Variants in CDH4 observed in about 807,000 individuals in gnomAD.
CDH4 encodes the protein cadherin 4, also known as cadherin-4.
CDH4 carries 33 observed loss-of-function variants against 86.0 expected under a neutral mutation model. That is an observed-to-expected ratio of 0.38 (90% CI 0.29 to 0.51). The LOEUF is 0.51. CDH4 is among the 20% of genes least tolerant of loss of function. The pLI, the probability that CDH4 is intolerant of heterozygous loss-of-function variation, is 0.86. For synonymous variants in CDH4, 555 were observed against 549.4 expected, an observed-to-expected ratio of 1.01 and a Z score of -0.14; for missense variants, 1,114 against 1,307.4, an observed-to-expected ratio of 0.85 and a Z score of 2.28.
At chr20:61,313,390 C>T (rs2084458412) in intron 2 of CDH4, among the ~76,000 whole-genome samples, 1 of 152,170 alleles carries the variant, frequency 6.6e-6, no homozygotes, top group South Asian at 2.1e-4. Context: ...TACACAGCTC[C>T]CTTCATCTTT....
chr20:61,545,968 G>A (rs2086078250), intron 2 of CDH4, among the ~76,000 whole-genome samples: 1 of 135,868 alleles, frequency 7.4e-6, no homozygotes, highest in South Asian at 2.4e-4. Context: ...GTTCGTGTGT[G>A]TGTGTGTGTG....
intron 2 of CDH4, among the ~76,000 whole-genome samples, chr20:61,590,879 G>GGGT (rs1555811638): frequency 1.4e-4 from 19 of 135,970 alleles, no homozygotes; most frequent in Admixed American, 5.1e-4. Flanking sequence ...AAATCTATGG[G>GGGT]GGGGGGGGTC....
intron 2 of CDH4, among the ~76,000 whole-genome samples, chr20:61,390,294 A>G (rs1359546466): frequency 5.6e-5 from 8 of 143,102 alleles, no homozygotes; most frequent in South Asian, 4.7e-4. Flanking sequence ...GTGTCTGGGA[A>G]ACCCCGATTG....
At chr20:61,702,532 G>A (rs1475153422) in intron 2 of CDH4, among the ~76,000 whole-genome samples, 3 of 152,232 alleles carry the variant, frequency 2.0e-5, no homozygotes, top group Non-Finnish European at 4.4e-5. Flanking sequence ...CAGGCATTCT[G>A]GTGATGCAAT....
At chr20:61,397,558 C>G (rs1487280331) in intron 2 of CDH4, among the ~76,000 whole-genome samples, 1 of 152,010 alleles carries the variant, frequency 6.6e-6, no homozygotes, top group Non-Finnish European at 1.5e-5. Context: ...GGAGGTAGCC[C>G]CATATCGCCC....
intron 2 of CDH4, among the ~76,000 whole-genome samples, chr20:61,579,889 G>T (rs6121708): frequency 6.6e-6 from 1 of 152,014 alleles, no homozygotes; most frequent in East Asian, 1.9e-4. Flanking sequence ...AGCCAAAAAT[G>T]TACTGCCTTT....
chr20:61,665,547 C>A (rs1469163741), intron 2 of CDH4, among the ~76,000 whole-genome samples: 2 of 152,222 alleles, frequency 1.3e-5, no homozygotes, highest in Non-Finnish European at 2.9e-5. Flanking sequence ...AGGTCCCCGT[C>A]AGATCTCCTA....
Position 61,857,231 on chromosome 20 carries a change from G to A in CDH4, c.877+4333G>A, listed in dbSNP as rs768849988. ...CGCGCTGTCTGGGATGGTGGGCGGC[G>A]CGTGTGCGTTCGCCATGGAGTAAGA... is the stretch of plus-strand genomic sequence containing the variant. On this transcript the variant is annotated intron_variant, in intron 6 of 15. Transcript: ENST00000614565. Among the ~76,000 whole-genome samples the A allele has an allele frequency of 5.3e-5, 8 of 152,374 alleles. No individual in the cohort carries two copies. In the South Asian group the frequency reaches 6.2e-4, roughly 12 times the overall value.
At chr20:61,342,553 CA>C (rs1176915920) in intron 2 of CDH4, among the ~76,000 whole-genome samples, 7 of 152,220 alleles carry the variant, frequency 4.6e-5, no homozygotes, top group Non-Finnish European at 7.3e-5. Flanking sequence ...GAATGTGAGC[CA>C]GGGGGAGCAG....
chr20:61,653,643 G>A (rs2087152158), intron 2 of CDH4, among the ~76,000 whole-genome samples: 1 of 100,822 alleles, frequency 9.9e-6, no homozygotes, highest in African/African-American at 3.1e-5. Context: ...TGGCTGCCGG[G>A]CTGAGGGGCT....
intron 2 of CDH4, among the ~76,000 whole-genome samples, chr20:61,638,132 C>T (rs954349354): frequency 1.3e-5 from 2 of 151,862 alleles, no homozygotes; most frequent in Non-Finnish European, 2.9e-5. Context: ...TGAAAAAGAA[C>T]AGCATCCACC....
At chr20:61,853,477 C>G (rs1450197164) in intron 6 of CDH4, among the ~76,000 whole-genome samples, 4 of 152,098 alleles carry the variant, frequency 2.6e-5, no homozygotes, top group Admixed American at 2.6e-4. Flanking sequence ...CAGAGCTGAC[C>G]CAAGAGCCTG....
chr20:61,406,863 TGC>T (rs2085087156), intron 2 of CDH4, among the ~76,000 whole-genome samples: 1 of 144,180 alleles, frequency 6.9e-6, no homozygotes, highest in Admixed American at 6.9e-5. Context: ...ATCTGCCATC[TGC>T]TCTGCCCGGA....
chr20:61,646,361 T>C (rs145673879), intron 2 of CDH4, among the ~76,000 whole-genome samples: 91 of 152,316 alleles, frequency 6.0e-4, no homozygotes, highest in African/African-American at 2.1e-3. Flanking sequence ...TTCAGAGCTC[T>C]GGTCAGGCAT....
rs1385649663 is a variant in CDH4, at chr20:61,934,162, A to G, written c.2486A>G (p.Gln829Arg). The G allele has an allele frequency of 1.9e-6, 3 of 1,607,930 alleles. No homozygotes were observed. In the South Asian group the frequency reaches 3.3e-5, roughly 18 times the overall value. The part of the protein sequence containing the change: ...VDERPVGAEP[Q>R]YPIRPMVPHP... Reference sequence around the variant, plus strand: ...GAGCGGCCGGTGGGCGCTGAGCCCCAGTACCCGATCAGGCCCATGGTGCCG... The same window carrying G: ...GAGCGGCCGGTGGGCGCTGAGCCCCGGTACCCGATCAGGCCCATGGTGCCG... The change falls in exon 15 of 16, where the codon CAG (glutamine) becomes CGG (arginine). Residue 829 changes from glutamine to arginine, a missense_variant. Around this residue, in one of 3 missense-constraint regions of CDH4, gnomAD observed 188 missense variants for 183.8 expected, o/e 1.02. Transcript: ENST00000614565.
chr20:61,780,981 G>A (rs1056413831), intron 4 of CDH4, among the ~76,000 whole-genome samples: 2 of 152,194 alleles, frequency 1.3e-5, no homozygotes, highest in Admixed American at 6.5e-5. Flanking sequence ...TCCCCAGTAC[G>A]CATGTAAGCT....
intron 2 of CDH4, among the ~76,000 whole-genome samples, chr20:61,571,005 G>T (rs1250359580): frequency 1.3e-5 from 2 of 152,188 alleles, no homozygotes. Flanking sequence ...GTGTGGGGAT[G>T]CAGAGAGTGT....
At chr20:61,339,574 T>A (rs1353626270) in intron 2 of CDH4, among the ~76,000 whole-genome samples, 3 of 152,200 alleles carry the variant, frequency 2.0e-5, no homozygotes, top group Non-Finnish European at 2.9e-5. Flanking sequence ...TACTTTTTTT[T>A]ACATCAGACT....
chr20:61,343,385 C>G (rs2084659001), intron 2 of CDH4, among the ~76,000 whole-genome samples: 3 of 152,146 alleles, frequency 2.0e-5, no homozygotes, highest in African/African-American at 7.2e-5. Flanking sequence ...GAGCCAGGAA[C>G]ATGAAAAGAA....
Sources: allele counts gnomAD v4.1 joint callset (sites outside exome capture counted in the v4.1 genomes callset), GRCh38; gene constraint gnomAD v4.1.1; regional missense constraint gnomAD v4.1.1; transcripts MANE v1.5; gene names NCBI Gene and HGNC (gene_info 2026-07-23, HGNC 2026-07-21).